GALNT18: variants seen among roughly 807,000 people sequenced by gnomAD.
The protein encoded by GALNT18 is polypeptide N-acetylgalactosaminyltransferase 18, also known as GalNAc-transferase 18.
A neutral mutation model predicts 69.5 loss-of-function variants in GALNT18; 44 were observed. The observed-to-expected ratio is 0.63, with a 90% CI of 0.50 to 0.81. GALNT18 has a LOEUF of 0.81. GALNT18 is among the 40% of genes least tolerant of loss of function. The pLI is 0.00. For missense variants in GALNT18, 715 were observed against 810.0 expected (o/e 0.88, Z 1.42); for synonymous variants, 364 against 318.2 (o/e 1.14, Z -1.53).
chr11:11,434,277 T>G (rs1405323072), intron 2 of GALNT18, among the ~76,000 whole-genome samples: 1 of 152,208 alleles, frequency 6.6e-6, no homozygotes, highest in African/African-American at 2.4e-5. Context: ...TTCCTAAATC[T>G]ACTTCGTACT....
chr11:11,385,381 C>T (rs1034656766), intron 3 of GALNT18, among the ~76,000 whole-genome samples: 4 of 151,790 alleles, frequency 2.6e-5, no homozygotes, highest in Admixed American at 1.3e-4. Context: ...CTGCAAGCTC[C>T]GCCTCCCGGG....
intron 6 of GALNT18, among the ~76,000 whole-genome samples, chr11:11,343,696 T>C (rs561485196): frequency 5.8e-4 from 88 of 152,322 alleles, no homozygotes; most frequent in African/African-American, 2.0e-3. Flanking sequence ...GTCAGGGTAA[T>C]GATTCTTTTT....
intron 1 of GALNT18, among the ~76,000 whole-genome samples, chr11:11,597,672 T>C (rs902221703): frequency 6.6e-6 from 1 of 151,578 alleles, no homozygotes; most frequent in Non-Finnish European, 1.5e-5. Flanking sequence ...TCTTTTTTTT[T>C]TTTTTTGAGA....
intron 3 of GALNT18, among the ~76,000 whole-genome samples, chr11:11,419,073 C>A (rs771198115): frequency 6.6e-6 from 1 of 152,084 alleles, no homozygotes; most frequent in Non-Finnish European, 1.5e-5. Flanking sequence ...TGGGCACCGG[C>A]GATGGAAAAC....
rs141615291 is a variant in GALNT18 at position 11,358,615 on chromosome 11, C to T, written c.1092+13900G>A. Among the ~76,000 whole-genome samples the T allele has an allele frequency of 2.9e-3, 403 of 140,278 alleles. 73 individuals are homozygous for T. The highest frequency in any genetic ancestry group is 9.6e-3 in the African/African-American group (366 of 37,950). The allele number at this position is 140,278 out of a possible 152,430, so 92.0% of individuals were successfully genotyped here. A position where few individuals can be genotyped will look rare whatever the true frequency, so the allele number is the denominator to read the frequency against. On this transcript the variant is annotated intron_variant, in intron 6 of 10. Transcript: ENST00000227756. ...ATTGGGAAAATTCCCTTTGGAAGCA[C>T]AAAGGCCTGCAAGCTTGAAATCTGT...
chr11:11,459,235 T>C lies in GALNT18; in HGVS notation c.236-10299A>G, dbSNP rs569602564. On this transcript the variant is annotated intron_variant, in intron 1 of 10. Coordinates refer to ENST00000227756, the MANE Select transcript of GALNT18 (RefSeq NM_198516.3). The surrounding 1 kb of genome is among the most constrained non-coding windows in gnomAD (Gnocchi z 5.0). The stretch of plus-strand genomic sequence containing the variant: ...ACATGAGCCGAAGGTCTTTTGCCAA[T>C]GGTCCCCACAATTAGGCTTTCTCTT... 1.3e-4 allele frequency among the ~76,000 whole-genome samples: 20 copies of C among 152,280 alleles called. No homozygotes were observed. The highest frequency in any genetic ancestry group is 4.8e-4 in the African/African-American group (20 of 41,556).
chr11:11,437,118 C>A (rs891555807), intron 2 of GALNT18, among the ~76,000 whole-genome samples: 1 of 152,166 alleles, frequency 6.6e-6, no homozygotes, highest in African/African-American at 2.4e-5. Flanking sequence ...TCTCTGCTCA[C>A]CTCTGCAGAG....
At chr11:11,295,895 T>C (rs1276177955) in intron 9 of GALNT18, among the ~76,000 whole-genome samples, 1 of 152,168 alleles carries the variant, frequency 6.6e-6, no homozygotes, top group Non-Finnish European at 1.5e-5. Context: ...AAGGGGAGCC[T>C]CTTCAAAGCT....
chr11:11,476,828 A>G (rs1856410301), intron 1 of GALNT18, among the ~76,000 whole-genome samples: 1 of 152,260 alleles, frequency 6.6e-6, no homozygotes, highest in South Asian at 2.1e-4. Context: ...CCAAGATGCA[A>G]TGGATACCAG....
At chr11:11,532,695 G>T (rs1857683399) in intron 1 of GALNT18, among the ~76,000 whole-genome samples, 1 of 152,218 alleles carries the variant, frequency 6.6e-6, no homozygotes, top group African/African-American at 2.4e-5. Context: ...AACACAGAGG[G>T]CTTCCCGCTG....
chr11:11,271,332 C>CA (rs1330707003), intron 10 of GALNT18, 42 bp from the exon 11 acceptor site: 2 of 1,590,084 alleles, frequency 1.3e-6, no homozygotes, highest in Non-Finnish European at 1.7e-6. Context: ...GGCATAGAGG[C>CA]AACATGCAGA....
chr11:11,344,174 C>T (rs1184649909), intron 6 of GALNT18, among the ~76,000 whole-genome samples: 1 of 152,194 alleles, frequency 6.6e-6, no homozygotes, highest in Non-Finnish European at 1.5e-5. Context: ...CCCCTCCAGC[C>T]CTGACCTTGT....
chr11:11,379,611 C>T (rs1161054494), intron 3 of GALNT18, among the ~76,000 whole-genome samples: 1 of 152,198 alleles, frequency 6.6e-6, no homozygotes, highest in Non-Finnish European at 1.5e-5. Flanking sequence ...TTGTGAGTGG[C>T]ACAGTCCACT....
In GALNT18 at chr11:11,396,995, C is replaced by A. The variant is rs1295621027; in HGVS notation, c.596-17731G>T. ...TGGGAGTCAGAGGAAACCTAGGAGT[C>A]TTTTCCTGTGAACAAATGCACCCCC... On this transcript the variant is annotated intron_variant, in intron 3 of 10. Coordinates refer to ENST00000227756, the MANE Select transcript of GALNT18 (RefSeq NM_198516.3). The surrounding 1 kb of genome is among the most constrained non-coding windows in gnomAD (Gnocchi z 5.2). Among the ~76,000 whole-genome samples, 1 of 152,092 alleles carries A rather than the reference C, an allele frequency of 6.6e-6. No homozygotes were observed. Among genetic ancestry groups the A allele is most frequent in the Admixed American group, 6.5e-5 (1 of 15,278 alleles).
Position 11,358,153 on chromosome 11 carries a change from T to C in GALNT18, c.1092+14362A>G, listed in dbSNP as rs149759065. 1.6e-3 allele frequency among the ~76,000 whole-genome samples: 232 copies of C among 142,372 alleles called. 40 individuals are homozygous for C. The highest frequency in any genetic ancestry group is 5.9e-3 in the African/African-American group (227 of 38,800). 93.4% of individuals were successfully genotyped at this position (142,372 alleles called of 152,430 possible). ...GTCACATAGAGGGCACCTGATCCCA[T>C]TGTCTTACCTCAAAGTTTTTTCTTT... On this transcript the variant is annotated intron_variant, in intron 6 of 10. Coordinates refer to ENST00000227756, the MANE Select transcript of GALNT18 (RefSeq NM_198516.3).
At position 11,430,341 on chromosome 11, in the gene GALNT18, G is replaced by A. The variant is rs1855238173; in HGVS notation, c.595+2280C>T. On this transcript the variant is annotated intron_variant, in intron 3 of 10. Coordinates refer to ENST00000227756, the MANE Select transcript of GALNT18 (RefSeq NM_198516.3). This position sits in a 1 kb window ranked among gnomAD's most constrained non-coding sequence, Gnocchi z 4.9. ...AATGGTAACATTGTACACAACCACA[G>A]CACAATATCAAAACCAGGCCACTGA... Among the ~76,000 whole-genome samples, 1 of 152,122 alleles carries A rather than the reference G, an allele frequency of 6.6e-6. No homozygotes were observed. The highest frequency in any genetic ancestry group is 6.5e-5 in the Admixed American group (1 of 15,290).
intron 10 of GALNT18, among the ~76,000 whole-genome samples, chr11:11,277,533 C>T (rs911951862): frequency 6.6e-6 from 1 of 151,992 alleles, no homozygotes; most frequent in African/African-American, 2.4e-5. Flanking sequence ...TATTTCTTTC[C>T]TTCTGCCAGC....
intron 6 of GALNT18, among the ~76,000 whole-genome samples, chr11:11,354,099 T>C (rs1407188522): frequency 1.6e-4 from 24 of 152,224 alleles, no homozygotes; most frequent in Non-Finnish European, 2.9e-5. Flanking sequence ...AACACTGGTA[T>C]GCTACATCTT....
intron 5 of GALNT18, among the ~76,000 whole-genome samples, chr11:11,376,795 T>TC (rs1853773765): frequency 6.6e-6 from 1 of 152,092 alleles, no homozygotes; most frequent in Admixed American, 6.5e-5. Context: ...GAAAAGCATT[T>TC]CCCCGCTTTC....
Sources: allele counts gnomAD v4.1 joint callset (sites outside exome capture counted in the v4.1 genomes callset), GRCh38; gene constraint gnomAD v4.1.1; non-coding constraint Gnocchi (gnomAD v3.1); transcripts MANE v1.5; gene names NCBI Gene and HGNC (gene_info 2026-07-23, HGNC 2026-07-21).